ELMOD1: variants seen among roughly 807,000 people sequenced by gnomAD.
The protein encoded by ELMOD1 is ELMO domain-containing protein 1.
ELMOD1 carries 21 observed loss-of-function variants against 46.7 expected under a neutral mutation model. The observed-to-expected ratio is 0.45, with a 90% CI of 0.32 to 0.65. ELMOD1 has a LOEUF of 0.65. Ranked by LOEUF, ELMOD1 falls within the 30% of genes least tolerant of loss-of-function variation. The pLI, the probability that ELMOD1 is intolerant of heterozygous loss-of-function variation, is 0.04. For missense variants in ELMOD1, 348 were observed against 407.8 expected (o/e 0.85, Z 1.26); for synonymous variants, 122 against 138.2 (o/e 0.88, Z 0.82).
At chr11:107,662,211 C>T (rs563357639) in intron 11 of ELMOD1, among the ~76,000 whole-genome samples, 42 of 152,292 alleles carry the variant, frequency 2.8e-4, no homozygotes, top group African/African-American at 9.9e-4. Context: ...TGGCACCATC[C>T]TAGCTCACTG....
chr11:107,630,803 A>G, intron 4 of ELMOD1, 75 bp downstream of exon 4: 1 of 1,449,482 alleles, frequency 6.9e-7, no homozygotes, highest in Non-Finnish European at 9.4e-7. Context: ...AAAAATTCTA[A>G]GAAACCAAAA....
At chr11:107,621,830 C>T (rs1865954793) in intron 2 of ELMOD1, among the ~76,000 whole-genome samples, 1 of 151,594 alleles carries the variant, frequency 6.6e-6, no homozygotes, top group African/African-American at 2.4e-5. Context: ...AGTTCAAGAC[C>T]AGCCTGGCCA....
At chr11:107,630,365 C>G in intron 2 of ELMOD1, 52 bp from the exon 3 acceptor site, 1 of 1,503,158 alleles carries the variant, frequency 6.7e-7, no homozygotes, top group Non-Finnish European at 8.9e-7. Context: ...TGGCTGCTTT[C>G]TCTTCTCTTC....
At position 107,630,576 on chromosome 11, in the gene ELMOD1, A is replaced by T; in HGVS notation, c.163+14A>T. 6.2e-7 allele frequency: 1 copy of T among 1,608,592 alleles called. No homozygotes were observed. The highest frequency in any genetic ancestry group is 8.5e-7 in the Non-Finnish European group (1 of 1,177,580). On this transcript the variant is annotated intron_variant, in intron 3 of 11. Coordinates refer to ENST00000265840, the MANE Select transcript of ELMOD1 (RefSeq NM_018712.4). ...CCATGAAAATCGGTAAGCCTGAGAC[A>T]AAGAAGTAAGCAAAAGGTAGAGTTG... is the stretch of plus-strand genomic sequence containing the variant.
chr11:107,646,943 AATCTATCTATCTATCT>A lies in ELMOD1; in HGVS notation c.421-495_421-480del, dbSNP rs10536920. Among the ~76,000 whole-genome samples the A allele has an allele frequency of 4.1e-4, 60 of 148,080 alleles. No individual in the cohort carries two copies. The East Asian group carries it at 4.8e-3, about 12-fold the overall frequency. On this transcript the variant is annotated intron_variant, in intron 6 of 11. Coordinates refer to ENST00000265840, the MANE Select transcript of ELMOD1 (RefSeq NM_018712.4). ...CTTTTTTGTGGGAGATTATCTATCT[AATCTATCTATCTATCT>A]ATCTATCTATCTATCTATCTATCTA...
chr11:107,632,875 T>G (rs1866164348), intron 5 of ELMOD1, among the ~76,000 whole-genome samples: 1 of 152,204 alleles, frequency 6.6e-6, no homozygotes, highest in Non-Finnish European at 1.5e-5. Flanking sequence ...TGTTCTCATT[T>G]TTTTAAAAGA....
intron 5 of ELMOD1, among the ~76,000 whole-genome samples, chr11:107,632,899 A>G (rs1469561165): frequency 2.0e-5 from 3 of 152,176 alleles, no homozygotes; most frequent in African/African-American, 7.2e-5. Context: ...TTTTAGGTTC[A>G]GGTTGAGGAT....
intron 6 of ELMOD1, among the ~76,000 whole-genome samples, chr11:107,642,657 G>A (rs1260764843): frequency 3.3e-5 from 5 of 152,114 alleles, no homozygotes; most frequent in Admixed American, 1.3e-4. Context: ...GAGCCACCGC[G>A]CCCAGCAATA....
At chr11:107,610,581 T>G (rs917588503) in intron 1 of ELMOD1, among the ~76,000 whole-genome samples, 2 of 151,016 alleles carry the variant, frequency 1.3e-5, no homozygotes, top group Non-Finnish European at 2.9e-5. Context: ...CAGAATTGCT[T>G]GAAACCGGGA....
At chr11:107,650,281 T>C in intron 7 of ELMOD1, 54 bp from the exon 8 acceptor site, 2 of 1,246,262 alleles carry the variant, frequency 1.6e-6, no homozygotes, top group Non-Finnish European at 2.3e-6. Flanking sequence ...AAAATGAATA[T>C]ATTCAGCGAG....
At chr11:107,616,318 C>G (rs1865862531) in intron 1 of ELMOD1, among the ~76,000 whole-genome samples, 1 of 151,280 alleles carries the variant, frequency 6.6e-6, no homozygotes, top group African/African-American at 2.4e-5. Context: ...TTCTTTTTTC[C>G]CCTATCCACA....
intron 2 of ELMOD1, among the ~76,000 whole-genome samples, chr11:107,626,785 T>G: frequency 6.6e-6 from 1 of 152,196 alleles, no homozygotes; most frequent in Non-Finnish European, 1.5e-5. Flanking sequence ...AAATAGTTAA[T>G]CATTTTTATT....
intron 2 of ELMOD1, among the ~76,000 whole-genome samples, chr11:107,624,931 G>A (rs934639510): frequency 2.6e-5 from 4 of 151,912 alleles, no homozygotes; most frequent in Admixed American, 6.6e-5. Context: ...TTACTTTTTC[G>A]GAAGTTAGTG....
intron 4 of ELMOD1, among the ~76,000 whole-genome samples, chr11:107,631,176 T>C (rs137922130): frequency 1.3e-5 from 2 of 152,294 alleles, no homozygotes; most frequent in African/African-American, 4.8e-5. Context: ...AGATTCTTGA[T>C]AATTTTATCT....
rs113368819 is a variant in ELMOD1, at chr11:107,640,694, T to A, written c.420+4929T>A. ...AATCTGTTCAAAAGAAGGATTTAAA[T>A]ACTTTGGTCACAACATGTACAATTT... On this transcript the variant is annotated intron_variant, in intron 6 of 11. Coordinates refer to ENST00000265840, the MANE Select transcript of ELMOD1 (RefSeq NM_018712.4). Among the ~76,000 whole-genome samples the A allele has an allele frequency of 7.2e-3, 1,096 of 152,334 alleles. 11 individuals carry two copies. The highest frequency in any genetic ancestry group is 0.025 in the African/African-American group (1,039 of 41,572).
intron 6 of ELMOD1, among the ~76,000 whole-genome samples, chr11:107,645,312 C>T (rs1866409385): frequency 6.6e-6 from 1 of 150,874 alleles, no homozygotes. Flanking sequence ...CTGATGTTCT[C>T]AGTTTCTGGT....
At chr11:107,663,161 T>G (rs1367144213) in intron 11 of ELMOD1, among the ~76,000 whole-genome samples, 1 of 152,116 alleles carries the variant, frequency 6.6e-6, no homozygotes, top group Non-Finnish European at 1.5e-5. Context: ...GGAGATGGCT[T>G]CTGGGGTGAC....
intron 2 of ELMOD1, among the ~76,000 whole-genome samples, chr11:107,619,813 C>T (rs938438936): frequency 6.6e-6 from 1 of 152,148 alleles, no homozygotes; most frequent in Non-Finnish European, 1.5e-5. Flanking sequence ...ACAGAACCAA[C>T]ACATCCCTAT....
At chr11:107,640,533 C>T (rs1465645951) in intron 6 of ELMOD1, among the ~76,000 whole-genome samples, 1 of 152,074 alleles carries the variant, frequency 6.6e-6, no homozygotes, top group Non-Finnish European at 1.5e-5. Flanking sequence ...CTACGAGTCC[C>T]ACATTTTTGC....
Sources: gnomAD v4.1 joint callset for allele counts (sites outside exome capture counted in the v4.1 genomes callset) on GRCh38, gnomAD v4.1.1 for gene constraint, MANE v1.5 for transcripts, NCBI Gene and HGNC (gene_info 2026-07-23, HGNC 2026-07-21) for gene names.